The following SYCP1 variants were observed in gnomAD, a reference collection of about 807,000 sequenced individuals.
The protein encoded by SYCP1 is cancer/testis antigen 8.
Under a neutral mutation model 153.1 loss-of-function variants are expected in SYCP1, and 64 were observed. The observed-to-expected ratio is 0.42, with a 90% confidence interval of 0.34 to 0.51. The LOEUF is 0.51. Ranked by LOEUF, SYCP1 falls within the 20% of genes least tolerant of loss-of-function variation. SYCP1 has a pLI of 0.06. For missense variants in SYCP1, 997 were observed against 1,049.0 expected, an observed-to-expected ratio of 0.95 and a Z score of 0.68; for synonymous variants, 384 against 341.8, an observed-to-expected ratio of 1.12 and a Z score of -1.36.
intron 15 of SYCP1, among the ~76,000 whole-genome samples, chr1:114,893,716 T>C (rs946073165): frequency 3.9e-5 from 6 of 152,192 alleles, no homozygotes; most frequent in African/African-American, 1.4e-4. Context: ...TTCCCACTTG[T>C]GTATTACAAT....
At chr1:114,940,210 G>A (rs555498285) in intron 23 of SYCP1, among the ~76,000 whole-genome samples, 17 of 152,162 alleles carry the variant, frequency 1.1e-4, no homozygotes, top group African/African-American at 4.1e-4. Flanking sequence ...CAACTCTCAT[G>A]CCTCAGCTTC....
intron 8 of SYCP1, among the ~76,000 whole-genome samples, 185 bp from the exon 9 acceptor site, chr1:114,874,321 C>T (rs944702985): frequency 1.3e-5 from 2 of 152,160 alleles, no homozygotes; most frequent in African/African-American, 4.8e-5. Context: ...AGCTTCTTCA[C>T]AACAGACTGA....
At chr1:114,905,457 T>C (rs2101645623) in intron 16 of SYCP1, among the ~76,000 whole-genome samples, 1 of 152,310 alleles carries the variant, frequency 6.6e-6, no homozygotes, top group South Asian at 2.1e-4. Context: ...ACTAGAAATA[T>C]GTCCTAAGGG....
chr1:114,971,120 G>A (rs1672462588), intron 27 of SYCP1, among the ~76,000 whole-genome samples: 1 of 152,142 alleles, frequency 6.6e-6, no homozygotes, highest in Non-Finnish European at 1.5e-5. Context: ...ACATCACCTG[G>A]ATAAGTATTC....
chr1:114,949,861 T>A (rs1301491982), intron 27 of SYCP1, among the ~76,000 whole-genome samples: 1 of 152,222 alleles, frequency 6.6e-6, no homozygotes, highest in Non-Finnish European at 1.5e-5. Flanking sequence ...CTTTTTTATT[T>A]GCATATCAAA....
chr1:114,933,235 A>G (rs1428659194), intron 23 of SYCP1, among the ~76,000 whole-genome samples: 1 of 152,176 alleles, frequency 6.6e-6, no homozygotes, highest in East Asian at 1.9e-4. Context: ...TTTGCTGTTC[A>G]GCAATATTCA....
rs535597096 is a variant in SYCP1, at chr1:114,860,380, C to A, written c.525-356C>A. ...ATTAATTTGTTAATGAATGGCCCAACCTATTCTCATTATTTTTCCTTAGGC... is the reference window on the plus strand; with the variant it reads ...ATTAATTTGTTAATGAATGGCCCAAACTATTCTCATTATTTTTCCTTAGGC... On this transcript the variant is annotated intron_variant, in intron 7 of 31. Coordinates refer to ENST00000369522, the MANE Select transcript of SYCP1 (RefSeq NM_003176.4). Among the ~76,000 whole-genome samples, 15 of 152,162 alleles carry A rather than the reference C, an allele frequency of 9.9e-5. No homozygotes were observed. In the East Asian group the frequency reaches 2.7e-3, roughly 27 times the overall value.
intron 11 of SYCP1, among the ~76,000 whole-genome samples, 197 bp from the exon 12 acceptor site, chr1:114,877,897 A>C (rs360635): frequency 0.59 from 89,576 of 151,896 alleles, 26,771 homozygotes; most frequent in African/African-American, 0.66. Flanking sequence ...ATTTGATATG[A>C]CACTGTCTCT....
chr1:114,958,756 TAAAAAA>T (rs754525268), intron 27 of SYCP1, among the ~76,000 whole-genome samples: 1 of 96,552 alleles, frequency 1.0e-5, no homozygotes, highest in African/African-American at 4.1e-5. Context: ...CTGTCTCTAC[TAAAAAA>T]AAAAAAAAAA....
intron 30 of SYCP1, 58 bp from the exon 31 acceptor site, chr1:114,994,640 A>G (rs996666393): frequency 1.4e-5 from 18 of 1,305,632 alleles, no homozygotes; most frequent in Non-Finnish European, 1.9e-5. Flanking sequence ...ACAAAATGTT[A>G]ATAATATAAT....
At chr1:114,859,199 T>C (rs1177255512) in intron 6 of SYCP1, among the ~76,000 whole-genome samples, 1 of 152,200 alleles carries the variant, frequency 6.6e-6, no homozygotes, top group Non-Finnish European at 1.5e-5. Context: ...GCGATTCTTC[T>C]GCCTCAGCCT....
chr1:114,886,097 C>T (rs770964647), intron 13 of SYCP1, 28 bp from the exon 14 acceptor site: 41 of 1,499,552 alleles, frequency 2.7e-5, no homozygotes, highest in Non-Finnish European at 3.6e-5. Context: ...TGGATCATTG[C>T]TCTTGTTTTA....
chr1:114,911,530 C>A lies in SYCP1; in HGVS notation c.1477C>A (p.Gln493Lys). The A allele has an allele frequency of 6.4e-7, 1 of 1,553,348 alleles. No homozygotes were observed. Among genetic ancestry groups the A allele is most frequent in the Non-Finnish European group, 8.7e-7 (1 of 1,154,820 alleles). Residue 493 changes from glutamine to lysine, a missense_variant, in exon 18 of 32, where the codon CAG becomes AAG. This residue lies in a region of SYCP1 where 712 missense variants were observed against 682.9 expected (regional missense o/e 1.04). Transcript: ENST00000369522. ...IQLTAITTSE[Q>K]YYSKEVKDLK... ...GTTAACTGCCATTACCACAAGTGAACAGTATTATTCAAAAGAGGTTAAAGA... is the reference window on the plus strand; with the variant it reads ...GTTAACTGCCATTACCACAAGTGAAAAGTATTATTCAAAAGAGGTTAAAGA...
chr1:114,884,091 G>C (rs900845675), intron 12 of SYCP1, among the ~76,000 whole-genome samples: 2 of 152,072 alleles, frequency 1.3e-5, no homozygotes, highest in African/African-American at 4.8e-5. Context: ...AACTTGGCAC[G>C]TACTTCTGTT....
intron 8 of SYCP1, among the ~76,000 whole-genome samples, chr1:114,862,041 T>C (rs1221416837): frequency 6.6e-6 from 1 of 152,006 alleles, no homozygotes. Flanking sequence ...CCTCAGGTGA[T>C]CCTCCCACCT....
chr1:114,856,312 A>G (rs1188177522), intron 2 of SYCP1, among the ~76,000 whole-genome samples: 1 of 152,196 alleles, frequency 6.6e-6, no homozygotes, highest in African/African-American at 2.4e-5. Flanking sequence ...TAGATTTACT[A>G]TTATTCTCGA....
At chr1:114,914,444 G>A (rs1668389263) in intron 20 of SYCP1, among the ~76,000 whole-genome samples, 1 of 150,084 alleles carries the variant, frequency 6.7e-6, no homozygotes, top group Non-Finnish European at 1.5e-5. Flanking sequence ...CTTTATTTAG[G>A]TTTCTGATTC....
intron 28 of SYCP1, 50 bp from the exon 29 acceptor site, chr1:114,981,282 ATAAT>A (rs1350922173): frequency 2.2e-5 from 29 of 1,338,302 alleles, no homozygotes; most frequent in African/African-American, 7.5e-5. Context: ...AAAGAAATAA[ATAAT>A]TAATGTGACA....
chr1:114,919,674 A>T (rs986191338), intron 20 of SYCP1, among the ~76,000 whole-genome samples: 1 of 151,774 alleles, frequency 6.6e-6, no homozygotes, highest in Non-Finnish European at 1.5e-5. Context: ...CTTTGATCTT[A>T]TTACTTGTTT....
Sources: gnomAD v4.1 joint callset for allele counts (sites outside exome capture counted in the v4.1 genomes callset) on GRCh38, gnomAD v4.1.1 for gene constraint, gnomAD v4.1.1 regional missense constraint, MANE v1.5 for transcripts, NCBI Gene and HGNC (gene_info 2026-07-23, HGNC 2026-07-21) for gene names.